The following ZBTB8OS variants were observed in gnomAD, a reference collection of about 807,000 sequenced individuals.
The protein encoded by ZBTB8OS is tRNA-splicing ligase-activating factor archease.
Under a neutral mutation model 29.3 loss-of-function variants are expected in ZBTB8OS, and 16 were observed. The ratio of observed to expected loss-of-function variants is 0.55; its 90% confidence interval spans 0.37 to 0.83. The LOEUF (loss-of-function observed/expected upper bound fraction) is 0.83, where lower values mean the gene tolerates loss of function less well. ZBTB8OS is among the 40% of genes least tolerant of loss of function. ZBTB8OS has a pLI of 0.00. For missense variants in ZBTB8OS, 160 were observed against 196.9 expected, an observed-to-expected ratio of 0.81 and a Z score of 1.12; for synonymous variants, 70 against 64.6, an observed-to-expected ratio of 1.08 and a Z score of -0.40.
chr1:32,650,717 A>T, upstream of ZBTB8OS: 1 of 987,180 alleles, frequency 1.0e-6, no homozygotes. Context: ...AAAAGCCAAA[A>T]CCCCATCTTC....
intron 1 of ZBTB8OS, among the ~76,000 whole-genome samples, chr1:32,649,670 T>TCACACACAC (rs1557835448): frequency 5.0e-5 from 6 of 118,888 alleles, no homozygotes; most frequent in African/African-American, 2.6e-4. Context: ...ACACACACAT[T>TCACACACAC]TTTTTTTTTT....
chr1:32,623,132 T>A (rs1233143403), intron 6 of ZBTB8OS, among the ~76,000 whole-genome samples: 2 of 151,562 alleles, frequency 1.3e-5, no homozygotes, highest in African/African-American at 4.9e-5. Flanking sequence ...AATAGGTAAA[T>A]GGCATTTGCT....
intron 5 of ZBTB8OS, among the ~76,000 whole-genome samples, chr1:32,631,237 C>T (rs529780991): frequency 1.3e-5 from 2 of 151,572 alleles, no homozygotes; most frequent in Admixed American, 6.6e-5. Context: ...ACTTGGTGGT[C>T]CCAGCTATTC....
At position 32,650,436 on chromosome 1, in the gene ZBTB8OS, C is replaced by A; in HGVS notation, c.94G>T (p.Glu32Ter). Residue 32 changes from glutamate to a stop codon, truncating the protein, a stop_gained, in exon 1 of 7, where the codon GAG becomes TAG. Coordinates refer to ENST00000468695, the MANE Select transcript of ZBTB8OS (RefSeq NM_178547.5). LOFTEE classifies it high-confidence loss of function. Reference sequence around the variant, plus strand: ...GAGAAGTAAGCCACCTACTCACACTCGTACTTCCTATTGACTGGCGGATAC... The same window carrying A: ...GAGAAGTAAGCCACCTACTCACACTAGTACTTCCTATTGACTGGCGGATAC... Reference protein sequence around the residue: ...AKYPPVNRKYEYLDHTADVQL... With the variant: ...AKYPPVNRKY The A allele has an allele frequency of 1.9e-6, 3 of 1,614,144 alleles. No homozygotes were observed. The highest frequency in any genetic ancestry group is 2.5e-6 in the Non-Finnish European group (3 of 1,180,006).
chr1:32,637,040 A>G (rs1330828915), intron 1 of ZBTB8OS, among the ~76,000 whole-genome samples: 2 of 152,152 alleles, frequency 1.3e-5, no homozygotes, highest in African/African-American at 2.4e-5. Context: ...GCTGTCAGAC[A>G]CAGCTAGACT....
At chr1:32,641,961 A>T (rs1420076733) in intron 1 of ZBTB8OS, among the ~76,000 whole-genome samples, 1 of 151,902 alleles carries the variant, frequency 6.6e-6, no homozygotes, top group Non-Finnish European at 1.5e-5. Context: ...CTTTGTACAT[A>T]CTTCCAATTT....
At chr1:32,650,571 G>A (rs530065024), upstream of ZBTB8OS, 71 of 1,613,810 alleles carry the variant, frequency 4.4e-5, no homozygotes, top group Non-Finnish European at 5.3e-5. Context: ...TTCATCCACC[G>A]GACTTCGGCC....
At chr1:32,639,339 T>G (rs925867444) in intron 1 of ZBTB8OS, among the ~76,000 whole-genome samples, 30 of 152,100 alleles carry the variant, frequency 2.0e-4, no homozygotes, top group African/African-American at 7.2e-4. Flanking sequence ...TTTCCCTATG[T>G]TGCCCAGGCT....
chr1:32,637,634 T>C (rs1039701858), intron 1 of ZBTB8OS, among the ~76,000 whole-genome samples: 2 of 151,870 alleles, frequency 1.3e-5, no homozygotes, highest in Non-Finnish European at 2.9e-5. Context: ...AAAATTAAGC[T>C]ATGGTGGTAG....
chr1:32,625,739 T>G (rs1352970342), intron 6 of ZBTB8OS, among the ~76,000 whole-genome samples: 1 of 152,136 alleles, frequency 6.6e-6, no homozygotes, highest in Non-Finnish European at 1.5e-5. Context: ...TAAATGAAAT[T>G]AATTTGCTCA....
At chr1:32,625,450 C>T (rs1373060632) in intron 6 of ZBTB8OS, among the ~76,000 whole-genome samples, 1 of 152,098 alleles carries the variant, frequency 6.6e-6, no homozygotes, top group Non-Finnish European at 1.5e-5. Flanking sequence ...AGGAGAATCG[C>T]TTGAACCTGG....
chr1:32,646,864 C>A (rs572779413), intron 1 of ZBTB8OS, among the ~76,000 whole-genome samples: 242 of 144,542 alleles, frequency 1.7e-3, no homozygotes, highest in African/African-American at 5.8e-3. Context: ...TGGTGAAACC[C>A]TGTCTCTACT....
Position 32,650,485 on chromosome 1 carries a change from T to G in ZBTB8OS, c.45A>C (p.Glu15Asp). The change falls in exon 1 of 7, where the codon GAA becomes GAC. Residue 15 changes from glutamate to aspartate, a missense_variant. Physicochemically the swap from Glu to Asp is conservative, Grantham distance 45. Transcript: ENST00000468695. ...EEDVRDYNLT[E>D]EQKAIKAKYP... The stretch of plus-strand genomic sequence containing the variant: ...ACTTGGCCTTGATCGCCTTCTGTTC[T>G]TCAGTCAAATTGTAATCTCTAACAT... 6.2e-7 allele frequency: 1 copy of G among 1,614,162 alleles called. No homozygotes were observed. The highest frequency in any genetic ancestry group is 8.5e-7 in the Non-Finnish European group (1 of 1,180,016).
intron 6 of ZBTB8OS, among the ~76,000 whole-genome samples, chr1:32,624,005 G>C (rs927282353): frequency 2.0e-5 from 3 of 152,034 alleles, no homozygotes; most frequent in African/African-American, 7.2e-5. Context: ...AGATCTGATG[G>C]TTTTCTAAGG....
At chr1:32,640,267 T>A (rs545650221) in intron 1 of ZBTB8OS, among the ~76,000 whole-genome samples, 48 of 152,062 alleles carry the variant, frequency 3.2e-4, no homozygotes, top group Admixed American at 7.2e-4. Context: ...TGGCTAATTA[T>A]TTTTTTGTAT....
intron 6 of ZBTB8OS, among the ~76,000 whole-genome samples, chr1:32,622,974 C>T (rs577310267): frequency 1.3e-5 from 2 of 152,224 alleles, no homozygotes; most frequent in South Asian, 4.1e-4. Flanking sequence ...TATAGTTTCC[C>T]AGGTCAAAAG....
rs754018709 is a variant in ZBTB8OS, at chr1:32,650,480, T to G, written c.50A>C (p.Gln17Pro). 23 of 1,614,112 alleles carry G rather than the reference T, an allele frequency of 1.4e-5. No homozygotes were observed. Among genetic ancestry groups the G allele is most frequent in the Non-Finnish European group, 1.7e-6 (2 of 1,180,038 alleles). ...DVRDYNLTEE[Q>P]KAIKAKYPPV... ...CGGATACTTGGCCTTGATCGCCTTCTGTTCTTCAGTCAAATTGTAATCTCT... is the reference window on the plus strand; with the variant it reads ...CGGATACTTGGCCTTGATCGCCTTCGGTTCTTCAGTCAAATTGTAATCTCT... Residue 17 changes from glutamine to proline, a missense_variant, in exon 1 of 7, where the codon CAG becomes CCG. Gln to Pro is a moderately conservative substitution (Grantham distance 76, BLOSUM62 -1). Coordinates refer to ENST00000468695, the MANE Select transcript of ZBTB8OS (RefSeq NM_178547.5).
chr1:32,641,325 G>C (rs986091338), intron 1 of ZBTB8OS, among the ~76,000 whole-genome samples: 2 of 139,094 alleles, frequency 1.4e-5, no homozygotes, highest in African/African-American at 2.7e-5. Flanking sequence ...CCAGGCTGGA[G>C]TGCAATGGCG....
In ZBTB8OS at chr1:32,633,640, C is replaced by T. The variant is rs746620535; in HGVS notation, c.327+5G>A. 6.3e-7 allele frequency: 1 copy of T among 1,589,728 alleles called. No individual in the cohort carries two copies. The highest frequency in any genetic ancestry group is 8.5e-7 in the Non-Finnish European group (1 of 1,172,998). On this transcript the variant is annotated splice_donor_5th_base_variant and intron_variant, in intron 4 of 6. Coordinates refer to ENST00000468695, the MANE Select transcript of ZBTB8OS (RefSeq NM_178547.5). ...GCTCAGTAAAAAAGAAAAACCTTTG[C>T]TTACCCGGGGTATGAAGAATTCATC...
Sources: allele counts gnomAD v4.1 joint callset (sites outside exome capture counted in the v4.1 genomes callset), GRCh38; gene constraint gnomAD v4.1.1; transcripts MANE v1.5; gene names NCBI Gene and HGNC (gene_info 2026-07-23, HGNC 2026-07-21).